SMPDL3A: variants seen among roughly 807,000 people sequenced by gnomAD.
SMPDL3A encodes sphingomyelin phosphodiesterase acid like 3A.
Under a neutral mutation model 38.5 loss-of-function variants are expected in SMPDL3A, and 39 were observed. That is an observed-to-expected ratio of 1.01 (90% CI 0.78 to 1.32). The LOEUF is 1.32. SMPDL3A is among the 40% of genes most tolerant of loss of function. The pLI is 0.00. For missense variants in SMPDL3A, 502 were observed against 536.2 expected (o/e 0.94, Z 0.63); for synonymous variants, 180 against 194.3 (o/e 0.93, Z 0.61).
chr6:122,808,366 A>G (rs1781705600), intron 7 of SMPDL3A, among the ~76,000 whole-genome samples: 1 of 152,192 alleles, frequency 6.6e-6, no homozygotes, highest in Non-Finnish European at 1.5e-5. Flanking sequence ...CAGATTGACT[A>G]GCAACATTCT....
chr6:122,796,678 T>G (rs969446940), intron 2 of SMPDL3A, 146 bp from the exon 3 acceptor site: 73 of 487,866 alleles, frequency 1.5e-4, no homozygotes, highest in Admixed American at 1.5e-3. Context: ...TAGAGGTAAG[T>G]GAAGAGTAGT....
intron 1 of SMPDL3A, among the ~76,000 whole-genome samples, chr6:122,794,382 G>A (rs1202459876): frequency 6.6e-6 from 1 of 152,112 alleles, no homozygotes; most frequent in Non-Finnish European, 1.5e-5. Flanking sequence ...CACATCACGA[G>A]GTCAGGAAAT....
Position 122,789,469 on chromosome 6 carries a change from C to G in SMPDL3A, c.112+11C>G. On this transcript the variant is annotated intron_variant, in intron 1 of 7. Coordinates refer to ENST00000368440, the MANE Select transcript of SMPDL3A (RefSeq NM_006714.5). ...CTCCTCCGGCGATAGGTGAGTTGTC[C>G]GCGACCCTTCTCTTCCCAGCCGGCA... 2.6e-6 allele frequency: 4 copies of G among 1,541,782 alleles called. No individual in the cohort carries two copies. In the South Asian group the frequency reaches 4.8e-5, roughly 18 times the overall value.
intron 1 of SMPDL3A, chr6:122,789,770 G>A: frequency 2.2e-6 from 2 of 920,532 alleles, no homozygotes; most frequent in South Asian, 5.0e-5. Flanking sequence ...CATCTCAGTT[G>A]TTTTGTTCCT....
intron 2 of SMPDL3A, 56 bp from the exon 3 acceptor site, chr6:122,796,765 AAGT>A: frequency 6.8e-7 from 1 of 1,467,020 alleles, no homozygotes; most frequent in South Asian, 1.2e-5. Flanking sequence ...CATCATGCAT[AAGT>A]CTAGTAACTC....
intron 1 of SMPDL3A, 101 bp from the exon 2 acceptor site, chr6:122,795,576 C>G (rs1394897059): frequency 3.6e-6 from 3 of 829,328 alleles, no homozygotes; most frequent in Non-Finnish European, 5.8e-6. Context: ...TTTCCTCCAT[C>G]ACAGGGAGGA....
chr6:122,802,839 T>C (rs1264710500), intron 4 of SMPDL3A, among the ~76,000 whole-genome samples: 1 of 152,150 alleles, frequency 6.6e-6, no homozygotes, highest in Non-Finnish European at 1.5e-5. Context: ...ATGAGGGGCC[T>C]CAAACTTTGT....
chr6:122,798,143 G>A (rs1283167150), intron 3 of SMPDL3A, among the ~76,000 whole-genome samples: 1 of 152,142 alleles, frequency 6.6e-6, no homozygotes, highest in Admixed American at 6.5e-5. Context: ...AATCGAACCT[G>A]AATACAGTAA....
At chr6:122,790,464 C>G (rs1275548426) in intron 1 of SMPDL3A, among the ~76,000 whole-genome samples, 2 of 152,144 alleles carry the variant, frequency 1.3e-5, no homozygotes, top group African/African-American at 4.8e-5. Context: ...AAGTGGGGTT[C>G]TGTTTTCTTT....
chr6:122,806,131 C>G, intron 6 of SMPDL3A, 102 bp from the exon 7 acceptor site: 1 of 1,031,606 alleles, frequency 9.7e-7, no homozygotes, highest in Non-Finnish European at 1.4e-6. Context: ...TCACATATCA[C>G]TTGGTTATGT....
Position 122,789,376 on chromosome 6 carries a change from C to T in SMPDL3A, c.30C>T (p.Cys10=). Residue 10 remains cysteine (C), a synonymous_variant, in exon 1 of 8, where the codon TGC becomes TGT. Coordinates refer to ENST00000368440, the MANE Select transcript of SMPDL3A (RefSeq NM_006714.5). MALVRALVC[C]LLTAWHCRSG... is the part of the protein sequence containing the mutation. The stretch of plus-strand genomic sequence containing the variant: ...CGCTGGTGCGCGCACTCGTCTGCTG[C>T]CTGCTGACTGCCTGGCACTGCCGCT... 2 of 1,548,666 alleles carry T rather than the reference C, an allele frequency of 1.3e-6. No individual in the cohort carries two copies. The highest frequency in any genetic ancestry group is 8.7e-7 in the Non-Finnish European group (1 of 1,146,254).
chr6:122,804,838 C>A, intron 5 of SMPDL3A, 71 bp from the exon 6 acceptor site: 1 of 1,308,836 alleles, frequency 7.6e-7, no homozygotes, highest in Non-Finnish European at 1.1e-6. Context: ...TCTTGGGTAT[C>A]CAAATGTCAT....
chr6:122,807,415 C>T (rs894447347), intron 7 of SMPDL3A, among the ~76,000 whole-genome samples: 6 of 152,140 alleles, frequency 3.9e-5, no homozygotes, highest in African/African-American at 9.7e-5. Flanking sequence ...AGGAGAATGG[C>T]GTGAACCTGG....
intron 5 of SMPDL3A, 143 bp downstream of exon 5, chr6:122,803,976 TTTTC>T (rs1781513358): frequency 1.6e-5 from 10 of 628,796 alleles, no homozygotes; most frequent in East Asian, 8.7e-5. Flanking sequence ...AACTCATGGA[TTTTC>T]TTTCTTTTTT....
chr6:122,803,537 T>G (rs1781493113), intron 4 of SMPDL3A, 127 bp from the exon 5 acceptor site: 1 of 677,830 alleles, frequency 1.5e-6, no homozygotes, highest in African/African-American at 1.8e-5. Flanking sequence ...CCTATCTATG[T>G]GCAAACTAAA....
rs1781540207 is a variant in SMPDL3A at position 122,804,560 on chromosome 6, G to A, written c.739-349G>A. ...TCTGGGGGGCTCGAACTCTGCTTTG[G>A]CATCCCAAAGTGCTGGGATTACAGG... On this transcript the variant is annotated intron_variant, in intron 5 of 7. Coordinates refer to ENST00000368440, the MANE Select transcript of SMPDL3A (RefSeq NM_006714.5). Among the ~76,000 whole-genome samples the A allele has an allele frequency of 2.0e-5, 3 of 151,990 alleles. No homozygotes were observed. The East Asian group carries it at 5.8e-4, about 29-fold the overall frequency.
intron 1 of SMPDL3A, among the ~76,000 whole-genome samples, chr6:122,794,374 C>T (rs188326594): frequency 6.6e-6 from 1 of 151,942 alleles, no homozygotes; most frequent in African/African-American, 2.4e-5. Flanking sequence ...GGGGCGGGCA[C>T]ATCACGAGGT....
At chr6:122,805,795 A>G (rs1282818783) in intron 6 of SMPDL3A, among the ~76,000 whole-genome samples, 1 of 151,976 alleles carries the variant, frequency 6.6e-6, no homozygotes, top group Non-Finnish European at 1.5e-5. Context: ...TAATTTCACC[A>G]TGTTGGCCAG....
At chr6:122,789,547 A>T in intron 1 of SMPDL3A, 89 bp downstream of exon 1, 1 of 1,183,948 alleles carries the variant, frequency 8.4e-7, no homozygotes. Flanking sequence ...GCGTGGGGGC[A>T]GCTGCCCCCG....
Sources: allele counts gnomAD v4.1 joint callset (sites outside exome capture counted in the v4.1 genomes callset), GRCh38; gene constraint gnomAD v4.1.1; transcripts MANE v1.5; gene names NCBI Gene and HGNC (gene_info 2026-07-23, HGNC 2026-07-21).